ZNF331: variants seen among roughly 807,000 people sequenced by gnomAD.
The protein encoded by ZNF331 is zinc finger protein 331, also known as C2H2-like zinc finger protein rearranged in thyroid adenomas.
A neutral mutation model predicts 7.0 loss-of-function variants in ZNF331; 2 were observed. The ratio of observed to expected loss-of-function variants is 0.29; its 90% CI spans 0.12 to 0.90. ZNF331 has a LOEUF of 0.90. Among genes scored for constraint, ZNF331 ranks in the 40% least tolerant of loss-of-function variants. The pLI, the probability that ZNF331 is intolerant of heterozygous loss-of-function variation, is 0.58. For missense variants in ZNF331, 432 were observed against 587.7 expected, an observed-to-expected ratio of 0.74 and a Z score of 2.74; for synonymous variants, 196 against 205.4, an observed-to-expected ratio of 0.95 and a Z score of 0.39.
intron 2 of ZNF331, among the ~76,000 whole-genome samples, chr19:53,531,893 G>A (rs901179618): frequency 5.3e-5 from 8 of 151,792 alleles, no homozygotes; most frequent in African/African-American, 1.9e-4. Flanking sequence ...GGGATTTATG[G>A]GCCACATATA....
At chr19:53,569,709 A>G (rs1488018550) in intron 4 of ZNF331, among the ~76,000 whole-genome samples, 5 of 152,132 alleles carry the variant, frequency 3.3e-5, no homozygotes, top group Non-Finnish European at 7.3e-5. Context: ...CCATCTGACC[A>G]CATGAGAAAC....
rs141196058 is a variant in ZNF331 at position 53,576,794 on chromosome 19, C to T, written c.234C>T (p.Ser78=). 2 of 1,613,852 alleles carry T rather than the reference C, an allele frequency of 1.2e-6. No homozygotes were observed. Among genetic ancestry groups the T allele is most frequent in the African/African-American group, 1.3e-5 (1 of 74,846 alleles). The change falls in exon 6 of 6, where the codon TCC becomes TCT. Residue 78 remains serine (S), a synonymous_variant. Transcript: ENST00000449416. ...GGAATTCAGATAGAAGAAGTAAATC[C>T]CTTGGCCGTAACTGGATATGTGAAG... The part of the protein sequence containing the change: ...SKRNSDRRSK[S]LGRNWICEGT...
Position 53,540,486 on chromosome 19 carries a change from G to A in ZNF331, c.-138+1204G>A, listed in dbSNP as rs187620561. Among the ~76,000 whole-genome samples the A allele has an allele frequency of 6.6e-4, 100 of 151,070 alleles. 1 individual carries two copies. Among genetic ancestry groups the A allele is most frequent in the East Asian group, 1.7e-3 (9 of 5,172 alleles). ...CTTGCTCTGTTGCCCATGCTGGAGC[G>A]CAGTGGCACAATCTTGGCTCACTGC... is the stretch of plus-strand genomic sequence containing the variant. On this transcript the variant is annotated intron_variant, in intron 2 of 5. Transcript: ENST00000449416.
chr19:53,556,975 T>A (rs2089473073), intron 3 of ZNF331, among the ~76,000 whole-genome samples: 1 of 21,376 alleles, frequency 4.7e-5, no homozygotes, highest in Non-Finnish European at 1.1e-4. Flanking sequence ...CTGGCTCTTT[T>A]TTTTTTTTTT....
chr19:53,517,043 G>T, upstream of ZNF331, among the ~76,000 whole-genome samples: 1 of 152,128 alleles, frequency 6.6e-6, no homozygotes, highest in East Asian at 1.9e-4. Flanking sequence ...CACTCACAGA[G>T]ATCTAATTCC....
At chr19:53,543,852 G>A (rs991826049) in intron 2 of ZNF331, among the ~76,000 whole-genome samples, 8 of 152,256 alleles carry the variant, frequency 5.3e-5, no homozygotes, top group Non-Finnish European at 7.4e-5. Flanking sequence ...CACACAACCT[G>A]TATTCTTAAT....
At chr19:53,566,121 G>C (rs1016806210) in intron 3 of ZNF331, among the ~76,000 whole-genome samples, 13 of 152,022 alleles carry the variant, frequency 8.6e-5, no homozygotes, top group Admixed American at 3.9e-4. Context: ...ACCAGCTGAG[G>C]GAGAGGTTGC....
chr19:53,554,579 A>C (rs368626672), intron 2 of ZNF331: 6 of 152,142 alleles, frequency 3.9e-5, no homozygotes, highest in East Asian at 2.0e-4. Flanking sequence ...CGGCGGCTCT[A>C]TCTCCCGTAA....
chr19:53,505,644 A>G, the ZNF331 span, among the ~76,000 whole-genome samples: 2 of 152,188 alleles, frequency 1.3e-5, no homozygotes, highest in Admixed American at 6.5e-5. Context: ...AGAAAGAGAC[A>G]AGCTTCTGGC....
chr19:53,577,999 T>C lies in ZNF331; in HGVS notation c.*47T>C. 6.5e-7 allele frequency: 1 copy of C among 1,547,224 alleles called. No homozygotes were observed. On this transcript the variant is annotated 3_prime_UTR_variant, in exon 6 of 6. Coordinates refer to ENST00000449416, the MANE Select transcript of ZNF331 (RefSeq NM_001079906.2). ...CCCGCTCGTATCTATGGTTTCGCTTTCCACAGTTTGTTACCTGCAGTCAAC... is the reference window on the plus strand; with the variant it reads ...CCCGCTCGTATCTATGGTTTCGCTTCCCACAGTTTGTTACCTGCAGTCAAC...
At chr19:53,553,665 G>A (rs1390424491) in intron 2 of ZNF331, among the ~76,000 whole-genome samples, 2 of 152,202 alleles carry the variant, frequency 1.3e-5, no homozygotes, top group East Asian at 3.8e-4. Context: ...GAATGAGAGC[G>A]GGACTAACTG....
chr19:53,529,401 T>TA (rs61435436), intron 2 of ZNF331, among the ~76,000 whole-genome samples: 300 of 145,024 alleles, frequency 2.1e-3, no homozygotes, highest in Middle Eastern at 7.2e-3. Flanking sequence ...CTCTGTCTTT[T>TA]AAAAAAAAAA....
intron 2 of ZNF331, among the ~76,000 whole-genome samples, chr19:53,552,160 C>T (rs2089053194): frequency 6.6e-6 from 1 of 152,164 alleles, no homozygotes; most frequent in African/African-American, 2.4e-5. Context: ...ACATGGAACA[C>T]ATGATTCATC....
intron 2 of ZNF331, among the ~76,000 whole-genome samples, chr19:53,526,584 C>T (rs545224849): frequency 1.5e-3 from 229 of 150,562 alleles, no homozygotes; most frequent in African/African-American, 5.3e-3. Flanking sequence ...GACGGAGTCT[C>T]GCCCTGTCAC....
the ZNF331 span, among the ~76,000 whole-genome samples, chr19:53,506,410 T>C: frequency 2.4e-4 from 19 of 80,038 alleles, no homozygotes; most frequent in South Asian, 4.3e-4. Context: ...ACTCTCTCTC[T>C]CCTCTCTCTC....
At chr19:53,568,740 C>A (rs76493108) in intron 3 of ZNF331, among the ~76,000 whole-genome samples, 1 of 150,880 alleles carries the variant, frequency 6.6e-6, no homozygotes, top group Non-Finnish European at 1.5e-5. Context: ...ATTGTCTGGG[C>A]CTGTCTTTGA....
At chr19:53,505,430 C>T in the ZNF331 span, among the ~76,000 whole-genome samples, 1 of 152,100 alleles carries the variant, frequency 6.6e-6, no homozygotes, top group African/African-American at 2.4e-5. Flanking sequence ...AGCTCCTGGG[C>T]TCAAGTGATC....
intron 2 of ZNF331, among the ~76,000 whole-genome samples, chr19:53,528,190 AAG>A (rs1410855296): frequency 6.6e-6 from 1 of 152,236 alleles, no homozygotes; most frequent in African/African-American, 2.4e-5. Flanking sequence ...GTTGCTGGTA[AAG>A]AGGGAACATT....
At chr19:53,542,569 C>T (rs4803144) in intron 2 of ZNF331, among the ~76,000 whole-genome samples, 27,270 of 152,110 alleles carry the variant, frequency 0.18, 3,030 homozygotes, top group Non-Finnish European at 0.24. Context: ...CAGCCTCTTG[C>T]TAATGTTCTC....
Sources: gnomAD v4.1 joint callset for allele counts (sites outside exome capture counted in the v4.1 genomes callset) on GRCh38, gnomAD v4.1.1 for gene constraint, MANE v1.5 for transcripts, NCBI Gene and HGNC (gene_info 2026-07-23, HGNC 2026-07-21) for gene names.